TUSC3: variants seen among roughly 807,000 people sequenced by gnomAD.
TUSC3 encodes dolichyl-diphosphooligosaccharide--protein glycosyltransferase subunit TUSC3.
TUSC3 carries 45 observed loss-of-function variants against 44.8 expected under a neutral mutation model. The ratio of observed to expected loss-of-function variants is 1.00; its 90% CI spans 0.79 to 1.29. The LOEUF is 1.29. TUSC3 is among the 50% of genes most tolerant of loss of function. The pLI is 0.00. For missense variants in TUSC3, 519 were observed against 437.9 expected, an observed-to-expected ratio of 1.19 and a Z score of -1.65; for synonymous variants, 212 against 152.9, an observed-to-expected ratio of 1.39 and a Z score of -2.85.
At chr8:15,831,479 A>G in the TUSC3 span, among the ~76,000 whole-genome samples, 2 of 152,194 alleles carry the variant, frequency 1.3e-5, no homozygotes, top group East Asian at 3.9e-4. Context: ...AATAGCAACC[A>G]GAATATGGAT....
At chr8:15,431,211 CT>C (rs1799868680) in intron 1 of TUSC3, among the ~76,000 whole-genome samples, 1 of 151,324 alleles carries the variant, frequency 6.6e-6, no homozygotes, top group Admixed American at 6.6e-5. Flanking sequence ...TTTTCTATTT[CT>C]TTTTTTAATC....
intron 6 of TUSC3, among the ~76,000 whole-genome samples, chr8:15,720,787 T>C (rs1014045478): frequency 6.6e-6 from 1 of 152,122 alleles, no homozygotes; most frequent in South Asian, 2.1e-4. Context: ...ATAATGGCAC[T>C]AAGAGATTTT....
chr8:15,509,785 C>A (rs566544375), intron 2 of TUSC3, among the ~76,000 whole-genome samples: 2 of 152,226 alleles, frequency 1.3e-5, no homozygotes, highest in Middle Eastern at 3.4e-3. Context: ...TGGCCTAATA[C>A]AATAATCTGT....
chr8:15,493,885 G>C (rs1800843898), intron 2 of TUSC3, among the ~76,000 whole-genome samples: 1 of 152,250 alleles, frequency 6.6e-6, no homozygotes, highest in African/African-American at 2.4e-5. Flanking sequence ...CATAGCTGAA[G>C]GAGTATCCTG....
At chr8:15,502,653 G>A (rs1451510491) in intron 2 of TUSC3, among the ~76,000 whole-genome samples, 1 of 152,100 alleles carries the variant, frequency 6.6e-6, no homozygotes, top group East Asian at 1.9e-4. Context: ...ACCACACCTG[G>A]CTACTTTTTT....
chr8:15,743,961 T>A (rs1811300483), intron 8 of TUSC3, among the ~76,000 whole-genome samples: 1 of 152,170 alleles, frequency 6.6e-6, no homozygotes, highest in Admixed American at 6.5e-5. Flanking sequence ...GAGATTTTAT[T>A]GGCATGTAAC....
At chr8:15,446,629 A>T (rs1255302762) in intron 1 of TUSC3, among the ~76,000 whole-genome samples, 2 of 151,158 alleles carry the variant, frequency 1.3e-5, no homozygotes, top group East Asian at 3.9e-4. Context: ...CGGCAGGCTG[A>T]GGCAGGAGAA....
chr8:15,696,666 G>C (rs1291305470), intron 6 of TUSC3, among the ~76,000 whole-genome samples: 1 of 152,184 alleles, frequency 6.6e-6, no homozygotes, highest in African/African-American at 2.4e-5. Flanking sequence ...TGGATTATCT[G>C]TTTGATACGT....
chr8:15,628,148 T>C (rs1393683906), intron 2 of TUSC3, among the ~76,000 whole-genome samples: 2 of 152,218 alleles, frequency 1.3e-5, no homozygotes, highest in Non-Finnish European at 2.9e-5. Flanking sequence ...CTTTTTTTGT[T>C]CCTAAAAACT....
intron 1 of TUSC3, among the ~76,000 whole-genome samples, chr8:15,452,380 G>A (rs897059693): frequency 1.3e-5 from 2 of 152,026 alleles, no homozygotes; most frequent in African/African-American, 2.4e-5. Flanking sequence ...GATCAAATGA[G>A]GGCAAAGAAC....
intron 2 of TUSC3, among the ~76,000 whole-genome samples, chr8:15,530,906 T>C (rs1585077830): frequency 6.6e-6 from 1 of 152,202 alleles, no homozygotes; most frequent in East Asian, 1.9e-4. Flanking sequence ...TGTGTGTCTG[T>C]GTCCTTAATC....
chr8:15,566,014 G>A (rs1438958853), intron 1 of TUSC3, among the ~76,000 whole-genome samples: 1 of 152,100 alleles, frequency 6.6e-6, no homozygotes, highest in Admixed American at 6.5e-5. Context: ...CATCGCTTAT[G>A]ATGTATTTAA....
chr8:15,747,677 A>G (rs1406040851), intron 8 of TUSC3, among the ~76,000 whole-genome samples: 1 of 152,100 alleles, frequency 6.6e-6, no homozygotes, highest in Admixed American at 6.6e-5. Flanking sequence ...TCGTATTTTC[A>G]GCTTTCCTGG....
At chr8:15,650,445 A>C (rs1271113102) in intron 2 of TUSC3, among the ~76,000 whole-genome samples, 1 of 152,192 alleles carries the variant, frequency 6.6e-6, no homozygotes, top group Non-Finnish European at 1.5e-5. Context: ...TATAGCACAT[A>C]AGCAATATGT....
At position 15,662,202 on chromosome 8, in the gene TUSC3, C is replaced by T; in HGVS notation, c.614C>T (p.Ala205Val). Residue 205 changes from alanine to valine, a missense_variant, in exon 5 of 11, where the codon GCC becomes GTC. Transcript: ENST00000503731. ...AACTACTCTGGTACCATTGCTTTGGCCCTGTTAGTGTCGCTTGTTGGAGGT... is the reference window on the plus strand; with the variant it reads ...AACTACTCTGGTACCATTGCTTTGGTCCTGTTAGTGTCGCTTGTTGGAGGT... ...PPNYSGTIALALLVSLVGGLL... is the reference protein window; with the variant it reads ...PPNYSGTIALVLLVSLVGGLL... The T allele has an allele frequency of 6.2e-7, 1 of 1,613,070 alleles. No individual in the cohort carries two copies. Among genetic ancestry groups the T allele is most frequent in the Non-Finnish European group, 8.5e-7 (1 of 1,179,330 alleles).
At chr8:15,843,621 T>TATATAC in the TUSC3 span, among the ~76,000 whole-genome samples, 1 of 146,734 alleles carries the variant, frequency 6.8e-6, no homozygotes, top group African/African-American at 2.6e-5. Context: ...TATATATATA[T>TATATAC]ACACGCACAT....
At chr8:15,759,205 G>C (rs559532771) in intron 10 of TUSC3, among the ~76,000 whole-genome samples, 1 of 151,940 alleles carries the variant, frequency 6.6e-6, no homozygotes, top group Non-Finnish European at 1.5e-5. Context: ...CTTTTTTCCC[G>C]TTTGCACCTT....
chr8:15,538,154 G>C (rs1801551641), upstream of TUSC3, among the ~76,000 whole-genome samples: 1 of 152,178 alleles, frequency 6.6e-6, no homozygotes, highest in Non-Finnish European at 1.5e-5. Context: ...CAGCCATATA[G>C]GTAAATGCCT....
intron 1 of TUSC3, among the ~76,000 whole-genome samples, chr8:15,599,634 C>T (rs1186752388): frequency 6.7e-6 from 1 of 149,926 alleles, no homozygotes; most frequent in Non-Finnish European, 1.5e-5. Flanking sequence ...CATTTTTTTG[C>T]ATGTAGATAT....
Sources: gnomAD v4.1 joint callset for allele counts (sites outside exome capture counted in the v4.1 genomes callset) on GRCh38, gnomAD v4.1.1 for gene constraint, MANE v1.5 for transcripts, NCBI Gene and HGNC (gene_info 2026-07-23, HGNC 2026-07-21) for gene names.